The following ERN1 variants were observed in gnomAD, a reference collection of about 807,000 sequenced individuals.
ERN1 encodes serine/threonine-protein kinase/endoribonuclease IRE1.
ERN1 carries 39 observed loss-of-function variants against 113.1 expected under a neutral mutation model. The ratio of observed to expected loss-of-function variants is 0.34; its 90% CI spans 0.27 to 0.45. The LOEUF (loss-of-function observed/expected upper bound fraction) is 0.45. Ranked by LOEUF, ERN1 falls within the 20% of genes least tolerant of loss-of-function variation. The pLI, the probability that ERN1 is intolerant of heterozygous loss-of-function variation, is 1.00. For synonymous variants in ERN1, 507 were observed against 515.9 expected (o/e 0.98, Z 0.23); for missense variants, 976 against 1,274.8 (o/e 0.77, Z 3.57).
chr17:64,112,778 C>A (rs1229702078), intron 1 of ERN1, among the ~76,000 whole-genome samples: 1 of 152,202 alleles, frequency 6.6e-6, no homozygotes, highest in South Asian at 2.1e-4. Flanking sequence ...TTGCCCTATG[C>A]GTCTCTTCAT....
intron 1 of ERN1, chr17:64,102,678 C>T (rs1327397587): frequency 2.0e-6 from 2 of 985,290 alleles, no homozygotes; most frequent in Non-Finnish European, 1.2e-6. Context: ...TGTACCTGAA[C>T]ACTGAAAAAC....
chr17:64,069,885 G>A (rs1598058067), intron 6 of ERN1, among the ~76,000 whole-genome samples: 2 of 152,182 alleles, frequency 1.3e-5, no homozygotes, highest in East Asian at 3.8e-4. Flanking sequence ...TTTGGAGGGA[G>A]TGGGAGGGTT....
chr17:64,123,270 C>A (rs966569013), intron 1 of ERN1, among the ~76,000 whole-genome samples: 1 of 152,090 alleles, frequency 6.6e-6, no homozygotes, highest in African/African-American at 2.4e-5. Context: ...AGAATTATCC[C>A]GAGGTATTTC....
rs777806993 is a variant in ERN1, at chr17:64,119,376, G to GTTGTTTTTTTTTTTT, written c.54+10599_54+10600insAAAAAAAAAAAACAA. The stretch of plus-strand genomic sequence containing the variant: ...TAATATTAGGTTCCTTTTTTTCTAG[G>GTTGTTTTTTTTTTTT]TTTTTTTTTTTTTTTTTTTTTTTTT... On this transcript the variant is annotated intron_variant, in intron 1 of 21. Coordinates refer to ENST00000433197, the MANE Select transcript of ERN1 (RefSeq NM_001433.5). 2.8e-4 allele frequency among the ~76,000 whole-genome samples: 22 copies of GTTGTTTTTTTTTTTT among 77,910 alleles called. 1 individual carries two copies. Among genetic ancestry groups the GTTGTTTTTTTTTTTT allele is most frequent in the African/African-American group, 1.2e-3 (21 of 17,952 alleles). 51.1% of individuals were successfully genotyped at this position (77,910 alleles called of 152,430 possible). A position where few individuals can be genotyped will look rare whatever the true frequency, so the allele number is the denominator to read the frequency against.
chr17:64,115,822 T>A (rs1000527358), intron 1 of ERN1, among the ~76,000 whole-genome samples: 1 of 152,114 alleles, frequency 6.6e-6, no homozygotes, highest in African/African-American at 2.4e-5. Context: ...TCCAAGAAAG[T>A]AAGAAGCCTG....
intron 1 of ERN1, among the ~76,000 whole-genome samples, chr17:64,116,061 C>T (rs1914795173): frequency 6.6e-6 from 1 of 152,092 alleles, no homozygotes; most frequent in Non-Finnish European, 1.5e-5. Flanking sequence ...AATATTGCAA[C>T]ATTAGAAATT....
At chr17:64,069,435 T>C (rs1913339268) in intron 6 of ERN1, among the ~76,000 whole-genome samples, 1 of 152,054 alleles carries the variant, frequency 6.6e-6, no homozygotes, top group Non-Finnish European at 1.5e-5. Flanking sequence ...CTGAGAAAGA[T>C]ACAAAACTGG....
intron 16 of ERN1, 52 bp downstream of exon 16, chr17:64,053,220 C>A: frequency 6.8e-7 from 1 of 1,467,298 alleles, no homozygotes; most frequent in Non-Finnish European, 9.2e-7. Context: ...CCCACCTGGG[C>A]CACTGATTCT....
At chr17:64,093,792 A>G (rs1271994286) in intron 2 of ERN1, among the ~76,000 whole-genome samples, 5 of 152,236 alleles carry the variant, frequency 3.3e-5, no homozygotes, top group Middle Eastern at 3.2e-3. Flanking sequence ...CCAGAACAAC[A>G]GGGCATGTTG....
chr17:64,072,218 G>T, intron 5 of ERN1, 115 bp from the exon 6 acceptor site: 1 of 1,124,902 alleles, frequency 8.9e-7, no homozygotes, highest in Non-Finnish European at 1.3e-6. Context: ...TTCTTAGGAT[G>T]TCATTTCTAA....
intron 1 of ERN1, among the ~76,000 whole-genome samples, chr17:64,110,999 A>G (rs573915847): frequency 3.3e-5 from 5 of 152,204 alleles, no homozygotes; most frequent in African/African-American, 1.2e-4. Context: ...CAGAAGCAGG[A>G]AAGAATTACC....
intron 1 of ERN1, among the ~76,000 whole-genome samples, chr17:64,101,286 GTAAT>G (rs1914378178): frequency 6.6e-6 from 1 of 152,094 alleles, no homozygotes; most frequent in Non-Finnish European, 1.5e-5. Context: ...GTGGGTGCCT[GTAAT>G]CCCAGCTACT....
chr17:64,064,730 G>T (rs1337710982), intron 9 of ERN1, among the ~76,000 whole-genome samples: 1 of 152,210 alleles, frequency 6.6e-6, no homozygotes, highest in African/African-American at 2.4e-5. Flanking sequence ...GGCTCGGCGA[G>T]ATTGCAAAAG....
chr17:64,056,369 C>T (rs961756922), intron 12 of ERN1, among the ~76,000 whole-genome samples: 3 of 152,198 alleles, frequency 2.0e-5, no homozygotes, highest in African/African-American at 7.2e-5. Flanking sequence ...CGCCACCCAC[C>T]GTGTCTGTGT....
At chr17:64,059,257 A>G (rs1456610015) in intron 11 of ERN1, among the ~76,000 whole-genome samples, 2 of 152,210 alleles carry the variant, frequency 1.3e-5, no homozygotes, top group East Asian at 1.9e-4. Flanking sequence ...GTGCCCTGGA[A>G]TCTTGAAAGT....
chr17:64,125,429 T>A (rs916012928), intron 1 of ERN1, among the ~76,000 whole-genome samples: 1 of 152,166 alleles, frequency 6.6e-6, no homozygotes, highest in African/African-American at 2.4e-5. Context: ...ACATCAACCC[T>A]GATCAGTTAT....
At chr17:64,089,374 A>G (rs939144486) in intron 2 of ERN1, among the ~76,000 whole-genome samples, 25 of 151,316 alleles carry the variant, frequency 1.7e-4, no homozygotes, top group Non-Finnish European at 2.4e-4. Context: ...TGAGCATCCC[A>G]AATCCGAAAA....
In ERN1 at chr17:64,098,375, G is replaced by A. The variant is rs764180740; in HGVS notation, c.55-134C>T. On this transcript the variant is annotated intron_variant, in intron 1 of 21. Transcript: ENST00000433197. Reference sequence around the variant, plus strand: ...TACAGATGAAGAAATGGAAGGTGGAGAGCCTAAATTCCCACTCAGTCAGGA... The same window carrying A: ...TACAGATGAAGAAATGGAAGGTGGAAAGCCTAAATTCCCACTCAGTCAGGA... 2.1e-5 allele frequency: 24 copies of A among 1,156,646 alleles called. No homozygotes were observed. In the South Asian group the frequency reaches 2.3e-4, roughly 11 times the overall value. 71.6% of individuals were successfully genotyped at this position (1,156,646 alleles called of 1,614,324 possible).
chr17:64,047,912 A>G lies in ERN1; in HGVS notation c.2475T>C (p.His825=), dbSNP rs196923. ...TCCAGAAGAACGGGTGTTTGAGCAC[A>G]TGCTTCGCTGAGGGGCGTTTCTGAG... ...MDPQKRPSAK[H]VLKHPFFWSL... The change falls in exon 19 of 22, where the codon CAT becomes CAC. Residue 825 remains histidine, a synonymous_variant. Transcript: ENST00000433197. 1,601,411 of 1,613,428 alleles carry G rather than the reference A, an allele frequency of 0.99. 795,498 individuals carry two copies. Among genetic ancestry groups the G allele is most frequent in the East Asian group, 1 (44,892 of 44,892 alleles).
Sources: allele counts gnomAD v4.1 joint callset (sites outside exome capture counted in the v4.1 genomes callset), GRCh38; gene constraint gnomAD v4.1.1; transcripts MANE v1.5; gene names NCBI Gene and HGNC (gene_info 2026-07-23, HGNC 2026-07-21).